Variants in ZNF224 observed in about 807,000 individuals in gnomAD.
ZNF224 encodes the protein zinc finger protein 224.
In ZNF224, 8 loss-of-function variants were observed where a neutral mutation model predicts 10.5. The ratio of observed to expected loss-of-function variants is 0.76; its 90% CI spans 0.45 to 1.37. The LOEUF is 1.37. Among genes scored for constraint, ZNF224 ranks in the 40% most tolerant of loss-of-function variants. The probability of loss-of-function intolerance (pLI) is 0.00; values close to 1 mark genes in which losing one functional copy is unlikely to be tolerated. For missense variants in ZNF224, 754 were observed against 854.0 expected, an observed-to-expected ratio of 0.88 and a Z score of 1.46; for synonymous variants, 282 against 287.8, an observed-to-expected ratio of 0.98 and a Z score of 0.20.
chr19:44,101,573 CCTT>C (rs1437687303), intron 5 of ZNF224, among the ~76,000 whole-genome samples: 1 of 152,242 alleles, frequency 6.6e-6, no homozygotes, highest in East Asian at 1.9e-4. Flanking sequence ...CCTGTCCTCT[CCTT>C]CTTGCTCTGT....
intron 1 of ZNF224, 90 bp downstream of exon 1, chr19:44,094,620 C>T (rs2147520198): frequency 6.6e-6 from 1 of 152,590 alleles, no homozygotes; most frequent in South Asian, 2.1e-4. Context: ...GGCATTGGTA[C>T]TTGGTTGGGT....
At chr19:44,100,155 C>T (rs981946551) in intron 3 of ZNF224, among the ~76,000 whole-genome samples, 7 of 152,122 alleles carry the variant, frequency 4.6e-5, no homozygotes, top group East Asian at 1.9e-4. Context: ...TATCATGTGA[C>T]GATCATTATA....
rs1424127323 is a variant in ZNF224, at chr19:44,108,136, A to G, written c.1976A>G (p.Lys659Arg). 6.2e-7 allele frequency: 1 copy of G among 1,614,132 alleles called. No homozygotes were observed. Among genetic ancestry groups the G allele is most frequent in the Non-Finnish European group, 8.5e-7 (1 of 1,180,052 alleles). ...CCATACAAATGTGAGGACTGTGGGA[A>G]GGGCTACAACAGGCGCTTGAATCTT... ...EKPYKCEDCG[K>R]GYNRRLNLDM... The change falls in exon 6 of 6, where the codon AAG becomes AGG. Residue 659 changes from lysine (K) to arginine (R), a missense_variant. Coordinates refer to ENST00000693561, the MANE Select transcript of ZNF224 (RefSeq NM_001321645.3).
Position 44,107,259 on chromosome 19 carries a change from A to G in ZNF224, c.1099A>G (p.Thr367Ala), listed in dbSNP as rs1437008299. The G allele has an allele frequency of 6.3e-7, 1 of 1,589,368 alleles. No homozygotes were observed. Among genetic ancestry groups the G allele is most frequent in the Non-Finnish European group, 8.6e-7 (1 of 1,168,172 alleles). ...RDLYTHHMVH[T>A]GEKPYNCKEC... ...TCTTTATACGCATCATATGGTCCACACGGGAGAAAAGCCATATAATTGTAA... is the reference window on the plus strand; with the variant it reads ...TCTTTATACGCATCATATGGTCCACGCGGGAGAAAAGCCATATAATTGTAA... The change falls in exon 6 of 6, where the codon ACG (threonine) becomes GCG (alanine). Residue 367 changes from threonine (T) to alanine (A), a missense_variant. Thr to Ala is a moderately conservative substitution (Grantham distance 58). Coordinates refer to ENST00000693561, the MANE Select transcript of ZNF224 (RefSeq NM_001321645.3).
intron 2 of ZNF224, 46 bp from the exon 3 acceptor site, chr19:44,097,760 G>T (rs1967468585): frequency 8.3e-7 from 1 of 1,207,008 alleles, no homozygotes; most frequent in Non-Finnish European, 1.2e-6. Flanking sequence ...GGCATCCCTG[G>T]CCACCTTTTC....
chr19:44,095,321 A>C (rs1967415496), intron 1 of ZNF224: 1 of 153,518 alleles, frequency 6.5e-6, no homozygotes, highest in Non-Finnish European at 1.5e-5. Flanking sequence ...TCTGTGGAGA[A>C]GTATTGCTTT....
At chr19:44,106,204 G>A in intron 5 of ZNF224, 192 bp from the exon 6 acceptor site, 1 of 611,694 alleles carries the variant, frequency 1.6e-6, no homozygotes, top group Admixed American at 3.2e-5. Flanking sequence ...TTTCTATCAA[G>A]TATTTTACAT....
In ZNF224 at chr19:44,107,634, A is replaced by G. The variant is rs1967718041; in HGVS notation, c.1474A>G (p.Arg492Gly). 3.1e-6 allele frequency: 5 copies of G among 1,614,008 alleles called. No individual in the cohort carries two copies. The highest frequency in any genetic ancestry group is 4.2e-6 in the Non-Finnish European group (5 of 1,179,962). Residue 492 changes from arginine (R) to glycine (G), a missense_variant, in exon 6 of 6, where the codon AGA becomes GGA. Arg to Gly is a moderately radical substitution (Grantham distance 125). Coordinates refer to ENST00000693561, the MANE Select transcript of ZNF224 (RefSeq NM_001321645.3). The part of the protein sequence containing the change: ...KPFQCEECGK[R>G]FTQNSHLHSH... ...ATTCCAATGTGAAGAGTGTGGGAAG[A>G]GATTTACTCAAAATTCACATCTTCA...
chr19:44,107,243 G>T lies in ZNF224; in HGVS notation c.1083G>T (p.Thr361=). The change falls in exon 6 of 6, where the codon ACG becomes ACT. Residue 361 remains threonine, a synonymous_variant. Coordinates refer to ENST00000693561, the MANE Select transcript of ZNF224 (RefSeq NM_001321645.3). ...KGFICRRDLY[T]HHMVHTGEKP... is the part of the protein sequence containing the mutation. ...TTATTTGTAGGCGAGATCTTTATAC[G>T]CATCATATGGTCCACACGGGAGAAA... 6.3e-7 allele frequency: 1 copy of T among 1,594,410 alleles called. No individual in the cohort carries two copies. The highest frequency in any genetic ancestry group is 8.5e-7 in the Non-Finnish European group (1 of 1,169,826).
In ZNF224 at chr19:44,101,209, A is replaced by G. The variant is rs758862847; in HGVS notation, c.219A>G (p.Gln73=). The change falls in exon 5 of 6, where the codon CAA becomes CAG. Residue 73 remains glutamine (Q), a synonymous_variant. Coordinates refer to ENST00000693561, the MANE Select transcript of ZNF224 (RefSeq NM_001321645.3). ...EKIWMMKTAI[Q]REGNSGDKIQ... Reference sequence around the variant, plus strand: ...TTTGGATGATGAAGACAGCAATCCAAAGGGAAGGGAATTCAGGTAAGAATC... The same window carrying G: ...TTTGGATGATGAAGACAGCAATCCAGAGGGAAGGGAATTCAGGTAAGAATC... 95 of 1,614,004 alleles carry G rather than the reference A, an allele frequency of 5.9e-5. No homozygotes were observed. The highest frequency in any genetic ancestry group is 7.5e-5 in the Non-Finnish European group (89 of 1,179,992).
intron 5 of ZNF224, 177 bp from the exon 6 acceptor site, chr19:44,106,219 T>C: frequency 3.2e-6 from 2 of 633,984 alleles, no homozygotes; most frequent in South Asian, 4.1e-5. Context: ...TTACATATGA[T>C]ACTTGGTTTA....
chr19:44,109,508 A>T lies in ZNF224; in HGVS notation c.*1224A>T, dbSNP rs2061332. ...TTAAATCCTCCTCTTTATTGCTGGCAGTAAAAATATGTCTTTTGGAGAGCA... is the reference window on the plus strand; with the variant it reads ...TTAAATCCTCCTCTTTATTGCTGGCTGTAAAAATATGTCTTTTGGAGAGCA... On this transcript the variant is annotated 3_prime_UTR_variant, in exon 6 of 6. Coordinates refer to ENST00000693561, the MANE Select transcript of ZNF224 (RefSeq NM_001321645.3). 3 of 151,962 alleles carry T rather than the reference A, an allele frequency of 2.0e-5. No individual in the cohort carries two copies. The highest frequency in any genetic ancestry group is 1.9e-4 in the East Asian group (1 of 5,162). 9.4% of individuals were successfully genotyped at this position (151,962 alleles called of 1,614,324 possible).
In ZNF224 at chr19:44,108,188, A is replaced by G. The variant is rs1452462857; in HGVS notation, c.2028A>G (p.Gly676=). ...NLDMHQRVHM[G]EKTWKCRECD... The stretch of plus-strand genomic sequence containing the variant: ...ATATGCATCAGAGGGTCCACATGGG[A>G]GAGAAAACATGGAAGTGTAGGGAGT... Residue 676 remains glycine, a synonymous_variant, in exon 6 of 6, where the codon GGA becomes GGG. Coordinates refer to ENST00000693561, the MANE Select transcript of ZNF224 (RefSeq NM_001321645.3). The G allele has an allele frequency of 6.2e-7, 1 of 1,614,144 alleles. No homozygotes were observed. Among genetic ancestry groups the G allele is most frequent in the Admixed American group, 1.7e-5 (1 of 60,020 alleles).
At chr19:44,106,355 G>A in intron 5 of ZNF224, 41 bp from the exon 6 acceptor site, 1 of 1,604,952 alleles carries the variant, frequency 6.2e-7, no homozygotes, top group Non-Finnish European at 8.5e-7. Flanking sequence ...ACTGAACAAA[G>A]GCTTCACTTG....
At chr19:44,101,586 T>C (rs903644289) in intron 5 of ZNF224, among the ~76,000 whole-genome samples, 1 of 152,228 alleles carries the variant, frequency 6.6e-6, no homozygotes, top group Non-Finnish European at 1.5e-5. Context: ...TCTTGCTCTG[T>C]CTTTACCAGC....
chr19:44,097,823 C>T lies in ZNF224; in HGVS notation c.-51C>T. On this transcript the variant is annotated 5_prime_UTR_variant, in exon 3 of 6. Coordinates refer to ENST00000693561, the MANE Select transcript of ZNF224 (RefSeq NM_001321645.3). ...CTTTGCAGGCACAATTCTGCTTTCC[C>T]AGGAACTGCATCACTCAGGACTCTG... 1.2e-6 allele frequency: 2 copies of T among 1,607,202 alleles called. No homozygotes were observed. Among genetic ancestry groups the T allele is most frequent in the South Asian group, 1.1e-5 (1 of 89,616 alleles).
In ZNF224 at chr19:44,109,034, G is replaced by T; in HGVS notation, c.*750G>T. 1 of 192,724 alleles carries T rather than the reference G, an allele frequency of 5.2e-6. No homozygotes were observed. The highest frequency in any genetic ancestry group is 8.5e-5 in the South Asian group (1 of 11,730). The allele number at this position is 192,724 out of a possible 1,614,324, so 11.9% of individuals were successfully genotyped here. A position where few individuals can be genotyped will look rare whatever the true frequency, so the allele number is the denominator to read the frequency against. On this transcript the variant is annotated 3_prime_UTR_variant, in exon 6 of 6. Transcript: ENST00000693561. ...GCTCTGAAGTCAGAGTATTATTTGT[G>T]GCTCTATGAAATGTCCATTGCTTGT...
Position 44,108,289 on chromosome 19 carries a change from G to A in ZNF224, c.*5G>A. ...CATGTTGGAGAAAAACCTTAGTGATGTGATGGTGCAATAAAGTCTTCACTC... is the reference window on the plus strand; with the variant it reads ...CATGTTGGAGAAAAACCTTAGTGATATGATGGTGCAATAAAGTCTTCACTC... On this transcript the variant is annotated 3_prime_UTR_variant, in exon 6 of 6. Coordinates refer to ENST00000693561, the MANE Select transcript of ZNF224 (RefSeq NM_001321645.3). 11 of 1,600,810 alleles carry A rather than the reference G, an allele frequency of 6.9e-6. No homozygotes were observed. Among genetic ancestry groups the A allele is most frequent in the Non-Finnish European group, 9.4e-6 (11 of 1,173,352 alleles).
At position 44,107,622 on chromosome 19, in the gene ZNF224, G is replaced by C. The variant is rs764418873; in HGVS notation, c.1462G>C (p.Glu488Gln). The change falls in exon 6 of 6, where the codon GAG becomes CAG. Residue 488 changes from glutamate (E) to glutamine (Q), a missense_variant. By Grantham distance (29) the Glu-to-Gln change is conservative. Transcript: ENST00000693561. Reference protein sequence around the residue: ...HSGEKPFQCEECGKRFTQNSH... With the variant: ...HSGEKPFQCEQCGKRFTQNSH... ...TGGAGAAAAACCATTCCAATGTGAA[G>C]AGTGTGGGAAGAGATTTACTCAAAA... The C allele has an allele frequency of 1.2e-6, 2 of 1,614,024 alleles. No individual in the cohort carries two copies. Among genetic ancestry groups the C allele is most frequent in the Middle Eastern group, 3.3e-4 (2 of 6,058 alleles).
Sources: gnomAD v4.1 joint callset for allele counts (sites outside exome capture counted in the v4.1 genomes callset) on GRCh38, gnomAD v4.1.1 for gene constraint, MANE v1.5 for transcripts, NCBI Gene and HGNC (gene_info 2026-07-23, HGNC 2026-07-21) for gene names.